The following WNT8A variants were observed in gnomAD, a reference collection of about 807,000 sequenced individuals.
WNT8A encodes protein Wnt-8a.
A neutral mutation model predicts 20.5 loss-of-function variants in WNT8A; 14 were observed. The observed-to-expected ratio is 0.68, with a 90% CI of 0.45 to 1.07. WNT8A has a LOEUF of 1.07. Among genes scored for constraint, WNT8A ranks in the 50% least tolerant of loss-of-function variants. The pLI, the probability that WNT8A is intolerant of heterozygous loss-of-function variation, is 0.00. For missense variants in WNT8A, 397 were observed against 462.9 expected, an observed-to-expected ratio of 0.86 and a Z score of 1.31; for synonymous variants, 167 against 169.2, an observed-to-expected ratio of 0.99 and a Z score of 0.10.
chr5:138,090,758 G>A lies in WNT8A; in HGVS notation c.795G>A (p.Ala265=), dbSNP rs6596422. Residue 265 remains alanine (A), a synonymous_variant, in exon 5 of 5, where the codon GCG becomes GCA. Transcript: ENST00000506684. The part of the protein sequence containing the change: ...PAEAFLPSAE[A]ELIFLEESPD... The stretch of plus-strand genomic sequence containing the variant: ...AGGCCTTCCTTCCTAGCGCAGAGGC[G>A]GAACTGATCTTTTTAGAGGAATCAC... 759,288 of 1,613,938 alleles carry A rather than the reference G, an allele frequency of 0.47. 180,986 individuals are homozygous for A. The highest frequency in any genetic ancestry group is 0.6 in the East Asian group (26,990 of 44,858).
chr5:138,090,624 G>A lies in WNT8A; in HGVS notation c.661G>A (p.Glu221Lys). The A allele has an allele frequency of 6.2e-7, 1 of 1,614,188 alleles. No homozygotes were observed. ...CTGGCTGCAGCTGGCTGAATTCCGG[G>A]AGATGGGAGACTACCTAAAGGCCAA... ...TCWLQLAEFR[E>K]MGDYLKAKYD... Residue 221 changes from glutamate (E) to lysine (K), a missense_variant, in exon 5 of 5, where the codon GAG becomes AAG. Physicochemically the swap from Glu to Lys is moderately conservative, Grantham distance 56. Transcript: ENST00000506684.
chr5:138,089,138 G>C (rs901745771), intron 4 of WNT8A, 69 bp downstream of exon 4: 6 of 1,567,352 alleles, frequency 3.8e-6, no homozygotes, highest in Non-Finnish European at 5.2e-6. Context: ...AATTTACCAA[G>C]AGCTGTCTTA....
upstream of WNT8A, among the ~76,000 whole-genome samples, chr5:138,082,946 A>G (rs1454113859): frequency 6.6e-6 from 1 of 151,768 alleles, no homozygotes; most frequent in Non-Finnish European, 1.5e-5. Flanking sequence ...ACAGATTCCC[A>G]CCTAAGGAGC....
chr5:138,088,388 G>C (rs1033355517), intron 3 of WNT8A, among the ~76,000 whole-genome samples: 1 of 142,594 alleles, frequency 7.0e-6, no homozygotes, highest in Admixed American at 7.4e-5. Context: ...ATGGAGTCTC[G>C]CTCTGTCGAC....
At chr5:138,087,524 G>A (rs1172436721) in intron 2 of WNT8A, among the ~76,000 whole-genome samples, 13 of 149,108 alleles carry the variant, frequency 8.7e-5, no homozygotes, top group East Asian at 2.0e-4. Flanking sequence ...ATGGTGGCAC[G>A]CACCTGTAGT....
At chr5:138,090,494 C>A (rs746501621) in intron 4 of WNT8A, 34 bp from the exon 5 acceptor site, 11 of 1,594,240 alleles carry the variant, frequency 6.9e-6, no homozygotes, top group Non-Finnish European at 9.4e-6. Context: ...CTTCCCTACT[C>A]AGAGCCATTC....
intron 2 of WNT8A, among the ~76,000 whole-genome samples, chr5:138,086,259 C>A (rs562358904): frequency 6.6e-6 from 1 of 151,880 alleles, no homozygotes; most frequent in South Asian, 2.1e-4. Flanking sequence ...ACTTTTTTAC[C>A]CAAGCTAGTT....
upstream of WNT8A, among the ~76,000 whole-genome samples, chr5:138,079,127 C>T (rs1467736772): frequency 6.6e-6 from 1 of 152,016 alleles, no homozygotes; most frequent in Non-Finnish European, 1.5e-5. Context: ...TTAAATTCCA[C>T]ACTTTCCACT....
upstream of WNT8A, among the ~76,000 whole-genome samples, chr5:138,080,459 T>TTTTTTTTG (rs1554086791): frequency 5.4e-3 from 691 of 126,894 alleles, 7 homozygotes; most frequent in Middle Eastern, 0.016. Context: ...TTTTTTTTTT[T>TTTTTTTTG]TTTTTTTTTG....
chr5:138,087,670 A>AAAAAAAAT, intron 2 of WNT8A, 136 bp from the exon 3 acceptor site: 1 of 864,072 alleles, frequency 1.2e-6, no homozygotes, highest in Non-Finnish European at 1.6e-6. Flanking sequence ...AAAAAAAAAA[A>AAAAAAAAT]AAAAGAAAGA....
intron 2 of WNT8A, 47 bp from the exon 3 acceptor site, chr5:138,087,759 G>T (rs775037998): frequency 1.3e-6 from 2 of 1,599,600 alleles, no homozygotes; most frequent in Admixed American, 3.4e-5. Flanking sequence ...TCTGCTTTGG[G>T]TAATCAGGGT....
intron 1 of WNT8A, 72 bp from the exon 2 acceptor site, chr5:138,084,426 A>G (rs1561574043): frequency 2.6e-6 from 4 of 1,551,334 alleles, no homozygotes; most frequent in Non-Finnish European, 3.5e-6. Context: ...GGCCCATCTG[A>G]GTCCTGCCTG....
rs1750769132 is a variant in WNT8A, at chr5:138,089,164, T to C, written c.564+95T>C. The C allele has an allele frequency of 2.0e-6, 3 of 1,497,480 alleles. No homozygotes were observed. The South Asian group carries it at 4.0e-5, about 20-fold the overall frequency. 92.8% of individuals were successfully genotyped at this position (1,497,480 alleles called of 1,614,324 possible). On this transcript the variant is annotated intron_variant, in intron 4 of 4. Coordinates refer to ENST00000506684, the MANE Select transcript of WNT8A (RefSeq NM_001300939.2). ...AGCTGTCTTATACGTTCTTTCCTCA[T>C]ACTACCCAGCCAGATTGAGATGGCT...
At chr5:138,083,226 A>G (rs977022698), upstream of WNT8A, among the ~76,000 whole-genome samples, 10 of 150,596 alleles carry the variant, frequency 6.6e-5, no homozygotes, top group African/African-American at 2.4e-4. Context: ...GGTTGTAGTG[A>G]GCTGAGATTG....
At chr5:138,086,145 C>CT (rs1239929383) in intron 2 of WNT8A, among the ~76,000 whole-genome samples, 3 of 152,150 alleles carry the variant, frequency 2.0e-5, no homozygotes, top group Non-Finnish European at 4.4e-5. Context: ...AGGCTGGACT[C>CT]TAAGAGGGCA....
At chr5:138,087,728 CAG>C in intron 2 of WNT8A, 76 bp from the exon 3 acceptor site, 1 of 1,301,958 alleles carries the variant, frequency 7.7e-7, no homozygotes, top group Non-Finnish European at 1.0e-6. Flanking sequence ...GGGAGATAAA[CAG>C]TATTATTTTT....
chr5:138,084,218 C>CA lies in WNT8A; in HGVS notation c.92dup (p.His31GlnfsTer11). On this transcript the variant is annotated frameshift_variant, in exon 1 of 5. Coordinates refer to ENST00000506684, the MANE Select transcript of WNT8A (RefSeq NM_001300939.2). LOFTEE classifies it high-confidence loss of function. ...AGGCCCCCATTGTCTCATCCCCATT[C>CA]ACCTCTGCCTCACTTTTTCTCTTTT... The CA allele has an allele frequency of 6.2e-7, 1 of 1,614,244 alleles. No homozygotes were observed. The highest frequency in any genetic ancestry group is 8.5e-7 in the Non-Finnish European group (1 of 1,180,042).
upstream of WNT8A, among the ~76,000 whole-genome samples, chr5:138,081,622 C>T (rs1750514421): frequency 6.6e-6 from 1 of 152,004 alleles, no homozygotes; most frequent in African/African-American, 2.4e-5. Context: ...GGGCTTTTCT[C>T]GCTTAACTCA....
chr5:138,090,357 A>C (rs1750804134), intron 4 of WNT8A, among the ~76,000 whole-genome samples, 171 bp from the exon 5 acceptor site: 2 of 152,188 alleles, frequency 1.3e-5, no homozygotes, highest in Non-Finnish European at 2.9e-5. Context: ...GAATATCCTC[A>C]TTGAGAAGAT....
Sources: allele counts gnomAD v4.1 joint callset (sites outside exome capture counted in the v4.1 genomes callset), GRCh38; gene constraint gnomAD v4.1.1; transcripts MANE v1.5; gene names NCBI Gene and HGNC (gene_info 2026-07-23, HGNC 2026-07-21).